Variants in NOP56 observed in about 807,000 individuals in gnomAD.
NOP56 encodes nucleolar protein 56.
In NOP56, 31 loss-of-function variants were observed where a neutral mutation model predicts 58.3. That is an observed-to-expected ratio of 0.53 (90% confidence interval 0.40 to 0.72). NOP56 has a LOEUF of 0.72. Ranked by LOEUF, NOP56 falls within the 30% of genes least tolerant of loss-of-function variation. NOP56 has a pLI of 0.00. For missense variants in NOP56, 669 were observed against 739.9 expected (o/e 0.90, Z 1.11); for synonymous variants, 313 against 282.8 (o/e 1.11, Z -1.07).
intron 11 of NOP56, 185 bp downstream of exon 11, chr20:2,657,403 G>C (rs1459076325): frequency 1.1e-6 from 1 of 893,726 alleles, no homozygotes; most frequent in East Asian, 2.6e-5. Context: ...TTGCTCAAGA[G>C]CCCAGAGAGC....
In NOP56 at chr20:2,654,387, A is replaced by C. The variant is rs752823344; in HGVS notation, c.209-27A>C. On this transcript the variant is annotated intron_variant, in intron 3 of 11. Coordinates refer to ENST00000329276, the MANE Select transcript of NOP56 (RefSeq NM_006392.4). ...AGAGTTGATCGTCCTTCAGCCTGTT[A>C]GTGGGAACTGTGTTCTTTCCCCTGA... 18 of 1,613,466 alleles carry C rather than the reference A, an allele frequency of 1.1e-5. No homozygotes were observed. In the Admixed American group the frequency reaches 3.0e-4, roughly 27 times the overall value.
At position 2,653,267 on chromosome 20, in the gene NOP56, TTC is replaced by T. The variant is rs1340116874; in HGVS notation, c.94-9_94-8del. ...GAGGGAAGGAAACCACTTAGCCTCT[TTC>T]TCCCCCCAGGTGGAGGAGTCTGTGC... On this transcript the variant is annotated splice_polypyrimidine_tract_variant and intron_variant, in intron 2 of 11. Coordinates refer to ENST00000329276, the MANE Select transcript of NOP56 (RefSeq NM_006392.4). 2 of 1,606,860 alleles carry T rather than the reference TTC, an allele frequency of 1.2e-6. No individual in the cohort carries two copies. Among genetic ancestry groups the T allele is most frequent in the Admixed American group, 3.3e-5 (2 of 60,012 alleles).
Position 2,655,927 on chromosome 20 carries a change from T to A in NOP56, c.910-7T>A. 1 of 1,614,142 alleles carries A rather than the reference T, an allele frequency of 6.2e-7. No individual in the cohort carries two copies. Among genetic ancestry groups the A allele is most frequent in the East Asian group, 2.2e-5 (1 of 44,878 alleles). On this transcript the variant is annotated splice_region_variant and splice_polypyrimidine_tract_variant and intron_variant, in intron 7 of 11. Transcript: ENST00000329276. ...TTCTCTGACTGCTTCCTTGACTCTC[T>A]CTCCAGGTAGGTGCACGTCTCATCG... is the stretch of plus-strand genomic sequence containing the variant.
rs535474061 is a variant in NOP56, at chr20:2,656,277, A to G, written c.1011-124A>G. Reference sequence around the variant, plus strand: ...GCTATGGGTTGGCATGCATTGGGGTAGAGATCCAATCTGGCCTGAGGCTCA... The same window carrying G: ...GCTATGGGTTGGCATGCATTGGGGTGGAGATCCAATCTGGCCTGAGGCTCA... On this transcript the variant is annotated intron_variant, in intron 8 of 11. Transcript: ENST00000329276. 5.9e-4 allele frequency: 952 copies of G among 1,604,932 alleles called. 1 individual carries two copies. The highest frequency in any genetic ancestry group is 7.7e-4 in the Non-Finnish European group (910 of 1,176,606).
In NOP56 at chr20:2,655,323, A is replaced by G; in HGVS notation, c.570-2A>G. On this transcript the variant is annotated splice_acceptor_variant, in intron 5 of 11. Transcript: ENST00000329276. LOFTEE classifies it high-confidence loss of function. ...CCAGGGAGTGACTGTGGCTCTTTGC[A>G]GGGAGTGGTACGGGTATCACTTTCC... is the stretch of plus-strand genomic sequence containing the variant. The G allele has an allele frequency of 1.9e-6, 3 of 1,614,188 alleles. No homozygotes were observed. The highest frequency in any genetic ancestry group is 2.5e-6 in the Non-Finnish European group (3 of 1,180,024).
chr20:2,652,652 G>A lies in NOP56; in HGVS notation c.-9G>A. Reference sequence around the variant, plus strand: ...GCCGCATTGCGAGCCGAACCCGGGAGCTGGCGCCATGGTGAGGAGTGGTTG... The same window carrying A: ...GCCGCATTGCGAGCCGAACCCGGGAACTGGCGCCATGGTGAGGAGTGGTTG... On this transcript the variant is annotated 5_prime_UTR_variant, in exon 1 of 12. Transcript: ENST00000329276. 2.1e-6 allele frequency: 3 copies of A among 1,427,626 alleles called. No individual in the cohort carries two copies. The highest frequency in any genetic ancestry group is 1.8e-6 in the Non-Finnish European group (2 of 1,098,572). The allele number at this position is 1,427,626 out of a possible 1,614,324, so 88.4% of individuals were successfully genotyped here. A position where few individuals can be genotyped will look rare whatever the true frequency, so the allele number is the denominator to read the frequency against.
intron 1 of NOP56, 42 bp downstream of exon 1, chr20:2,652,705 G>A (rs1233285213): frequency 2.7e-6 from 4 of 1,491,104 alleles, no homozygotes; most frequent in African/African-American, 1.5e-5. Flanking sequence ...GACGGTGGGG[G>A]TTTCGGCCTG....
intron 2 of NOP56, 26 bp from the exon 3 acceptor site, chr20:2,653,253 A>G: frequency 1.3e-6 from 2 of 1,580,290 alleles, no homozygotes; most frequent in East Asian, 2.2e-5. Context: ...AGGGAAGGAA[A>G]CCACTTAGCC....
intron 5 of NOP56, 157 bp downstream of exon 5, chr20:2,655,104 T>A: frequency 1.9e-6 from 2 of 1,073,492 alleles, no homozygotes; most frequent in Non-Finnish European, 2.9e-6. Flanking sequence ...GTTCTTACAC[T>A]GACTGTATAG....
chr20:2,656,898 C>T lies in NOP56; in HGVS notation c.1281+3C>T, dbSNP rs1404860952. ...TCATGAAGGAAGCAATGGTTCAGGT[C>T]AGTTGGGCTTTGCTGGGTGTGGAGT... is the stretch of plus-strand genomic sequence containing the variant. On this transcript the variant is annotated splice_donor_region_variant and intron_variant, in intron 10 of 11. Coordinates refer to ENST00000329276, the MANE Select transcript of NOP56 (RefSeq NM_006392.4). The T allele has an allele frequency of 6.2e-7, 1 of 1,614,002 alleles. No individual in the cohort carries two copies. Among genetic ancestry groups the T allele is most frequent in the Admixed American group, 1.7e-5 (1 of 60,016 alleles).
chr20:2,656,232 C>T (rs1600159119), intron 8 of NOP56, 169 bp from the exon 9 acceptor site: 2 of 1,604,514 alleles, frequency 1.2e-6, no homozygotes, highest in Non-Finnish European at 1.7e-6. Flanking sequence ...ACATTGGATG[C>T]CTTCCCTCTG....
intron 2 of NOP56, 25 bp downstream of exon 2, chr20:2,652,956 T>C: frequency 1.9e-6 from 3 of 1,561,200 alleles, no homozygotes; most frequent in African/African-American, 1.4e-5. Context: ...TGGGCTCCTT[T>C]GGCGGCCCCG....
intron 3 of NOP56, chr20:2,654,039 C>G: frequency 2.4e-6 from 1 of 413,782 alleles, no homozygotes; most frequent in Non-Finnish European, 4.9e-6. Flanking sequence ...GTCTGGTTCT[C>G]TGCTTTCTGT....
At position 2,655,462 on chromosome 20, in the gene NOP56, T is replaced by C. The variant is rs148111239; in HGVS notation, c.707T>C (p.Met236Thr). 966 of 1,614,002 alleles carry C rather than the reference T, an allele frequency of 6.0e-4. 1 individual carries two copies. Among genetic ancestry groups the C allele is most frequent in the Non-Finnish European group, 7.7e-4 (911 of 1,179,966 alleles). ...DKLEKLEELT[M>T]DGAKAKAILD... ...CTGGAGAAGCTGGAGGAGCTGACAATGGATGGGGCCAAGGCTAAGGCTATT... is the reference window on the plus strand; with the variant it reads ...CTGGAGAAGCTGGAGGAGCTGACAACGGATGGGGCCAAGGCTAAGGCTATT... Residue 236 changes from methionine (M) to threonine (T), a missense_variant, in exon 6 of 12, where the codon ATG (methionine) becomes ACG (threonine). This residue lies in a region of NOP56 where 339 missense variants were observed against 430.5 expected (regional missense o/e 0.79). Transcript: ENST00000329276.
intron 5 of NOP56, 151 bp from the exon 6 acceptor site, chr20:2,655,174 C>G (rs527452549): frequency 6.2e-6 from 7 of 1,136,520 alleles, no homozygotes; most frequent in African/African-American, 3.0e-5. Flanking sequence ...TGTGCCTGGT[C>G]TGTATTGTGA....
chr20:2,652,685 CGGGCG>C, intron 1 of NOP56, 22 bp downstream of exon 1: 1 of 692,474 alleles, frequency 1.4e-6, no homozygotes, highest in Middle Eastern at 5.0e-4. Flanking sequence ...TTGCGGGGCG[CGGGCG>C]ACGCGACGGT....
chr20:2,653,011 C>A, intron 2 of NOP56, 80 bp downstream of exon 2: 2 of 1,312,296 alleles, frequency 1.5e-6, no homozygotes, highest in Non-Finnish European at 2.1e-6. Flanking sequence ...CGCGCTCCCA[C>A]GTGGCCGGCC....
Position 2,654,870 on chromosome 20 carries a change from G to A in NOP56, c.492G>A (p.Val164=), listed in dbSNP as rs1028767061. The change falls in exon 5 of 12, where the codon GTG becomes GTA. Residue 164 remains valine (V), a synonymous_variant. Transcript: ENST00000329276. The part of the protein sequence containing the change: ...RAKVKFNVNR[V]DNMIIQSISL... ...AAGTTAAGTTTAATGTGAACCGGGTGGACAATATGATCATCCAGTCCATTA... is the reference window on the plus strand; with the variant it reads ...AAGTTAAGTTTAATGTGAACCGGGTAGACAATATGATCATCCAGTCCATTA... 1.9e-6 allele frequency: 3 copies of A among 1,614,094 alleles called. No individual in the cohort carries two copies. Among genetic ancestry groups the A allele is most frequent in the African/African-American group, 1.3e-5 (1 of 74,920 alleles).
intron 3 of NOP56, chr20:2,654,186 A>G (rs556510845): frequency 4.1e-6 from 3 of 739,284 alleles, no homozygotes; most frequent in African/African-American, 1.7e-5. Context: ...ACCTGAATGC[A>G]GTTGTTCCCA....
Sources: allele counts gnomAD v4.1 joint callset, GRCh38; gene constraint gnomAD v4.1.1; regional missense constraint gnomAD v4.1.1; transcripts MANE v1.5; gene names NCBI Gene and HGNC (gene_info 2026-07-23, HGNC 2026-07-21).